TXLNB: variants seen among roughly 807,000 people sequenced by gnomAD.
The protein encoded by TXLNB is beta-taxilin.
A neutral mutation model predicts 57.4 loss-of-function variants in TXLNB; 37 were observed. The observed-to-expected ratio is 0.64, with a 90% CI of 0.50 to 0.85. The LOEUF is 0.85. TXLNB is among the 40% of genes least tolerant of loss of function. The probability of loss-of-function intolerance (pLI) is 0.00; values close to 1 mark genes in which losing one functional copy is unlikely to be tolerated. For synonymous variants in TXLNB, 302 were observed against 309.6 expected, an observed-to-expected ratio of 0.98 and a Z score of 0.26; for missense variants, 848 against 825.6, an observed-to-expected ratio of 1.03 and a Z score of -0.33.
At chr6:139,168,967 TCTCCACCC>T in the TXLNB span, among the ~76,000 whole-genome samples, 128 of 152,328 alleles carry the variant, frequency 8.4e-4, no homozygotes, top group African/African-American at 2.8e-3. Flanking sequence ...TTTGCCTCCA[TCTCCACCC>T]CTCCATGAAG....
At chr6:139,311,852 G>A in the TXLNB span, among the ~76,000 whole-genome samples, 4 of 152,220 alleles carry the variant, frequency 2.6e-5, no homozygotes, top group East Asian at 5.8e-4. Context: ...CTGGAAATCC[G>A]AGAGCAGGGG....
chr6:139,315,098 C>T, the TXLNB span, among the ~76,000 whole-genome samples: 109 of 152,158 alleles, frequency 7.2e-4, no homozygotes, highest in African/African-American at 2.5e-3. Flanking sequence ...ATGGATCAGC[C>T]GGCACCACCT....
the TXLNB span, among the ~76,000 whole-genome samples, chr6:139,163,467 C>A: frequency 2.0e-5 from 3 of 152,066 alleles, no homozygotes; most frequent in Non-Finnish European, 4.4e-5. Context: ...GATACTCCCA[C>A]CTCAGCCTCC....
At chr6:139,179,693 G>A in the TXLNB span, 1 of 151,990 alleles carries the variant, frequency 6.6e-6, no homozygotes, top group African/African-American at 2.4e-5. Flanking sequence ...ATCTTATTTT[G>A]GAAATCTACT....
At chr6:139,280,677 T>TG in intron 2 of TXLNB, among the ~76,000 whole-genome samples, 1 of 73,784 alleles carries the variant, frequency 1.4e-5, no homozygotes, top group East Asian at 3.2e-4. Context: ...TCTTCCAAAA[T>TG]TTTTTTTTTA....
At chr6:139,260,484 C>T in intron 5 of TXLNB, 47 bp from the exon 6 acceptor site, 1 of 1,583,198 alleles carries the variant, frequency 6.3e-7, no homozygotes. Flanking sequence ...ATTATTGGTG[C>T]TTAAAAATGC....
the TXLNB span, chr6:139,180,373 G>C: frequency 6.6e-6 from 1 of 152,654 alleles, no homozygotes; most frequent in Admixed American, 6.5e-5. Context: ...TACACAGTCT[G>C]TTCTCCTGTG....
the TXLNB span, among the ~76,000 whole-genome samples, chr6:139,231,373 C>T: frequency 5.9e-5 from 9 of 152,086 alleles, no homozygotes; most frequent in Admixed American, 3.9e-4. Flanking sequence ...GCCTGAGTCA[C>T]ACAACAAGGT....
In TXLNB at chr6:139,270,463, G is replaced by C. The variant is rs763468619; in HGVS notation, c.680C>G (p.Thr227Ser). Residue 227 changes from threonine to serine, a missense_variant, in exon 4 of 10, where the codon ACT (threonine) becomes AGT (serine). By Grantham distance (58) the Thr-to-Ser change is moderately conservative. Transcript: ENST00000358430. ...TGAGGCATGGGGACATACCTTCAGA[G>C]TCTTGTTGTGTCTCTGCAGCTCCCG... ...LCRELQRHNK[T>S]LKEEALQRAR... 2 of 1,613,762 alleles carry C rather than the reference G, an allele frequency of 1.2e-6. No homozygotes were observed. The highest frequency in any genetic ancestry group is 2.2e-5 in the South Asian group (2 of 90,976).
In TXLNB at chr6:139,284,036, C is replaced by T. The variant is rs1003987260; in HGVS notation, c.424+4440G>A. Among the ~76,000 whole-genome samples the T allele has an allele frequency of 6.2e-5, 9 of 145,584 alleles. 2 individuals are homozygous for T. The highest frequency in any genetic ancestry group is 1.4e-4 in the Non-Finnish European group (9 of 65,436). The stretch of plus-strand genomic sequence containing the variant: ...GAATCAGAACCATTGCTTCCACAAT[C>T]TGTGTCAAAATTACCCAGGGTGAAC... On this transcript the variant is annotated intron_variant, in intron 2 of 9. Transcript: ENST00000358430.
chr6:139,295,579 TG>T (rs140715736), upstream of TXLNB, among the ~76,000 whole-genome samples: 73 of 151,120 alleles, frequency 4.8e-4, no homozygotes, highest in African/African-American at 1.4e-3. Context: ...AGATATTTTT[TG>T]GGGGGGGGAT....
rs1415366049 is a variant in TXLNB at position 139,240,339 on chromosome 6, T to C, written c.*2187A>G. On this transcript the variant is annotated 3_prime_UTR_variant, in exon 10 of 10. Transcript: ENST00000358430. The stretch of plus-strand genomic sequence containing the variant: ...TTAAGCTTTACAAATTTCAGACAAG[T>C]CATTCCATCTGAAACTCTGTCCAAG... 1.3e-5 allele frequency: 2 copies of C among 152,690 alleles called. No individual in the cohort carries two copies. Among genetic ancestry groups the C allele is most frequent in the African/African-American group, 4.8e-5 (2 of 41,462 alleles). The allele number at this position is 152,690 out of a possible 1,614,324, so 9.5% of individuals were successfully genotyped here. A position where few individuals can be genotyped will look rare whatever the true frequency, so the allele number is the denominator to read the frequency against.
chr6:139,208,593 C>T, the TXLNB span, among the ~76,000 whole-genome samples: 2 of 152,266 alleles, frequency 1.3e-5, no homozygotes, highest in South Asian at 4.1e-4. Flanking sequence ...CATAATCCAC[C>T]ATGATCAAGT....
the TXLNB span, among the ~76,000 whole-genome samples, chr6:139,220,863 C>T: frequency 6.6e-6 from 1 of 152,092 alleles, no homozygotes; most frequent in Non-Finnish European, 1.5e-5. Flanking sequence ...TCATAGAGCC[C>T]AAATACTAGA....
At chr6:139,161,816 T>C in the TXLNB span, among the ~76,000 whole-genome samples, 1 of 152,216 alleles carries the variant, frequency 6.6e-6, no homozygotes, top group Non-Finnish European at 1.5e-5. Context: ...ACTTCAAGGC[T>C]CTTCATCTGA....
chr6:139,205,734 A>G, the TXLNB span, among the ~76,000 whole-genome samples: 36 of 152,338 alleles, frequency 2.4e-4, no homozygotes, highest in African/African-American at 8.7e-4. Context: ...GAAGAAGAGA[A>G]ACCTATAAGT....
At chr6:139,247,672 G>T in intron 8 of TXLNB, 145 bp downstream of exon 8, 1 of 497,188 alleles carries the variant, frequency 2.0e-6, no homozygotes, top group Non-Finnish European at 3.5e-6. Flanking sequence ...AAAAAATACA[G>T]CCCAAACCTC....
chr6:139,172,539 T>G, the TXLNB span, among the ~76,000 whole-genome samples: 1 of 152,250 alleles, frequency 6.6e-6, no homozygotes, highest in African/African-American at 2.4e-5. Context: ...TTATTGGGCT[T>G]CTTTACCACT....
the TXLNB span, among the ~76,000 whole-genome samples, chr6:139,303,153 A>G: frequency 6.6e-6 from 1 of 152,206 alleles, no homozygotes; most frequent in African/African-American, 2.4e-5. Flanking sequence ...TGTGTTTTTG[A>G]TAAGTGATAA....
Sources: gnomAD v4.1 joint callset for allele counts (sites outside exome capture counted in the v4.1 genomes callset) on GRCh38, gnomAD v4.1.1 for gene constraint, MANE v1.5 for transcripts, NCBI Gene and HGNC (gene_info 2026-07-23, HGNC 2026-07-21) for gene names.